The following PTPRK variants were observed in gnomAD, a reference collection of about 807,000 sequenced individuals.
The protein encoded by PTPRK is receptor-type tyrosine-protein phosphatase kappa.
PTPRK carries 75 observed loss-of-function variants against 178.0 expected under a neutral mutation model. That is an observed-to-expected ratio of 0.42 (90% CI 0.35 to 0.51). The LOEUF (loss-of-function observed/expected upper bound fraction) is 0.51, where lower values mean the gene tolerates loss of function less well. Ranked by LOEUF, PTPRK falls within the 20% of genes least tolerant of loss-of-function variation. The pLI, the probability that PTPRK is intolerant of heterozygous loss-of-function variation, is 0.02. For synonymous variants in PTPRK, 637 were observed against 620.6 expected (o/e 1.03, Z -0.39); for missense variants, 1,441 against 1,797.8 (o/e 0.80, Z 3.59).
chr6:128,011,417 A>G lies in PTPRK; in HGVS notation c.2195-2149T>C, dbSNP rs546457605. On this transcript the variant is annotated intron_variant, in intron 13 of 29. Coordinates refer to ENST00000368226, the MANE Select transcript of PTPRK (RefSeq NM_002844.4). The stretch of plus-strand genomic sequence containing the variant: ...TTGCTTAATGAGGTCAGTATTTTTC[A>G]TAACAGTTTAATTAAATAAAATACA... 1.6e-3 allele frequency among the ~76,000 whole-genome samples: 240 copies of G among 151,324 alleles called. 4 individuals carry two copies. Among genetic ancestry groups the G allele is most frequent in the Middle Eastern group, 3.4e-3 (1 of 294 alleles).
chr6:128,193,439 T>C (rs1021512294), intron 6 of PTPRK, among the ~76,000 whole-genome samples: 3 of 151,994 alleles, frequency 2.0e-5, no homozygotes, highest in Non-Finnish European at 2.9e-5. Flanking sequence ...ATACACAAGA[T>C]CAATAAGAAA....
chr6:128,288,172 A>T (rs993271089), intron 3 of PTPRK, among the ~76,000 whole-genome samples: 6 of 152,158 alleles, frequency 3.9e-5, no homozygotes, highest in African/African-American at 1.4e-4. Context: ...ACTGAAAGTT[A>T]TTTCACTGTA....
intron 2 of PTPRK, among the ~76,000 whole-genome samples, chr6:128,329,207 C>T (rs1008366984): frequency 6.6e-6 from 1 of 152,088 alleles, no homozygotes; most frequent in Non-Finnish European, 1.5e-5. Flanking sequence ...GTCTACTTCA[C>T]TCATTCAGTC....
At chr6:128,416,922 T>G (rs1166825100) in intron 1 of PTPRK, among the ~76,000 whole-genome samples, 2 of 149,682 alleles carry the variant, frequency 1.3e-5, no homozygotes, top group Non-Finnish European at 3.0e-5. Flanking sequence ...GGTGTTGTGC[T>G]ATACACATAA....
chr6:128,503,652 G>C (rs1855879794), intron 1 of PTPRK, among the ~76,000 whole-genome samples: 1 of 152,090 alleles, frequency 6.6e-6, no homozygotes, highest in Admixed American at 6.6e-5. Flanking sequence ...TAAATGAAGA[G>C]ACCCTAGCTC....
At chr6:128,235,708 C>A (rs966474321) in intron 5 of PTPRK, 2 of 388,026 alleles carry the variant, frequency 5.2e-6, no homozygotes, top group African/African-American at 2.1e-5. Context: ...TGTTAGTCAT[C>A]GACATTGTGT....
chr6:128,137,012 C>T (rs572908352), intron 7 of PTPRK, among the ~76,000 whole-genome samples: 5 of 152,140 alleles, frequency 3.3e-5, no homozygotes, highest in Non-Finnish European at 7.4e-5. Flanking sequence ...GCTGCATAAA[C>T]CACTACCCTA....
At chr6:127,980,077 G>A (rs1248136992) in intron 25 of PTPRK, among the ~76,000 whole-genome samples, 2 of 152,136 alleles carry the variant, frequency 1.3e-5, no homozygotes, top group African/African-American at 2.4e-5. Context: ...TTGGGGGGCC[G>A]AGGCAGGTGG....
At chr6:128,476,106 A>T (rs1242013856) in intron 1 of PTPRK, among the ~76,000 whole-genome samples, 1 of 151,910 alleles carries the variant, frequency 6.6e-6, no homozygotes, top group Non-Finnish European at 1.5e-5. Context: ...TTCACAGTAC[A>T]GATTTACTTC....
intron 11 of PTPRK, among the ~76,000 whole-genome samples, chr6:128,071,143 G>A (rs966667930): frequency 6.0e-5 from 9 of 150,422 alleles, no homozygotes; most frequent in East Asian, 1.9e-4. Flanking sequence ...TGCCTTTCAC[G>A]GACCTTATAT....
chr6:128,394,504 C>T (rs527261195), intron 2 of PTPRK, among the ~76,000 whole-genome samples: 1 of 152,302 alleles, frequency 6.6e-6, no homozygotes, highest in East Asian at 1.9e-4. Context: ...CATTTTTCCA[C>T]TGATTGTACA....
chr6:128,284,407 T>C (rs1328277526), intron 3 of PTPRK, among the ~76,000 whole-genome samples: 1 of 152,224 alleles, frequency 6.6e-6, no homozygotes, highest in Non-Finnish European at 1.5e-5. Flanking sequence ...ATGATACTTT[T>C]CACATACTGA....
chr6:128,436,134 C>G (rs944094501), intron 1 of PTPRK, among the ~76,000 whole-genome samples: 1 of 151,932 alleles, frequency 6.6e-6, no homozygotes, highest in African/African-American at 2.4e-5. Context: ...CTTTGGGTCT[C>G]GACCAACATT....
chr6:128,298,714 G>A (rs1239619951), intron 3 of PTPRK, among the ~76,000 whole-genome samples: 85 of 152,088 alleles, frequency 5.6e-4, no homozygotes, highest in Middle Eastern at 3.4e-3. Flanking sequence ...TTGATGGGAC[G>A]TATCTCAAAA....
At chr6:128,149,312 A>AATG (rs1279548006) in intron 7 of PTPRK, among the ~76,000 whole-genome samples, 1 of 152,020 alleles carries the variant, frequency 6.6e-6, no homozygotes, top group Non-Finnish European at 1.5e-5. Flanking sequence ...TAATAATAAT[A>AATG]ATAAAGAAAA....
intron 6 of PTPRK, among the ~76,000 whole-genome samples, chr6:128,205,561 C>T (rs1361588113): frequency 1.3e-5 from 2 of 151,704 alleles, no homozygotes; most frequent in Non-Finnish European, 2.9e-5. Context: ...AGGTCCAGGT[C>T]AGGAGTTTGA....
intron 3 of PTPRK, among the ~76,000 whole-genome samples, chr6:128,296,518 C>T (rs1051404354): frequency 7.2e-5 from 11 of 152,266 alleles, no homozygotes; most frequent in Middle Eastern, 3.4e-3. Context: ...AGACTAACAG[C>T]GGATCTCTTG....
intron 1 of PTPRK, among the ~76,000 whole-genome samples, chr6:128,406,258 T>A (rs1161444924): frequency 1.3e-5 from 2 of 151,398 alleles, no homozygotes; most frequent in Non-Finnish European, 2.9e-5. Flanking sequence ...ATCTCAAAAA[T>A]AATAATAATA....
At chr6:128,377,172 C>T (rs1376682767) in intron 2 of PTPRK, among the ~76,000 whole-genome samples, 1 of 152,166 alleles carries the variant, frequency 6.6e-6, no homozygotes, top group Non-Finnish European at 1.5e-5. Context: ...CATTTTCACA[C>T]TGCTGATAAA....
Sources: allele counts gnomAD v4.1 joint callset (sites outside exome capture counted in the v4.1 genomes callset), GRCh38; gene constraint gnomAD v4.1.1; transcripts MANE v1.5; gene names NCBI Gene and HGNC (gene_info 2026-07-23, HGNC 2026-07-21).